Variants in PIK3C2G observed in about 807,000 individuals in gnomAD.
PIK3C2G encodes phosphatidylinositol 3-kinase C2 domain-containing subunit gamma.
PIK3C2G carries 168 observed loss-of-function variants against 181.1 expected under a neutral mutation model. The observed-to-expected ratio is 0.93, with a 90% CI of 0.82 to 1.05. The LOEUF (loss-of-function observed/expected upper bound fraction) is 1.05. PIK3C2G is among the 50% of genes least tolerant of loss of function. The probability of loss-of-function intolerance (pLI) is 0.00; values close to 1 mark genes in which losing one functional copy is unlikely to be tolerated. For synonymous variants in PIK3C2G, 573 were observed against 592.2 expected, an observed-to-expected ratio of 0.97 and a Z score of 0.47; for missense variants, 1,869 against 1,732.8, an observed-to-expected ratio of 1.08 and a Z score of -1.40.
intron 15 of PIK3C2G, among the ~76,000 whole-genome samples, chr12:18,398,968 G>T (rs1944056633): frequency 3.3e-5 from 5 of 151,914 alleles, no homozygotes; most frequent in Admixed American, 3.3e-4. Context: ...GGCCGAGGCG[G>T]GCGGATCACG....
chr12:18,676,035 GA>G, the PIK3C2G span, among the ~76,000 whole-genome samples: 5 of 151,754 alleles, frequency 3.3e-5, no homozygotes, highest in Admixed American at 6.6e-5. Flanking sequence ...TGAAAGAAAG[GA>G]AAAAAAATTA....
intron 14 of PIK3C2G, among the ~76,000 whole-genome samples, chr12:18,382,665 A>G (rs956006156): frequency 1.3e-5 from 2 of 152,184 alleles, no homozygotes; most frequent in Admixed American, 1.3e-4. Context: ...CAGGATGTTT[A>G]GCAACATCCC....
In PIK3C2G at chr12:18,640,440, T is replaced by C; in HGVS notation, c.4194T>C (p.Asp1398=). The change falls in exon 32 of 33, where the codon GAT becomes GAC. Residue 1398 remains aspartate (D), a synonymous_variant. Coordinates refer to ENST00000538779, the MANE Select transcript of PIK3C2G (RefSeq NM_001288772.2). ...ATTTTCCTTTGCAGCATCTCCCAGA[T>C]GGCTCTGCGCCCAGTGCACATGTTG... ...VKHMKNIHLP[D]GSAPSAHVEF... 6.2e-7 allele frequency: 1 copy of C among 1,610,048 alleles called. No individual in the cohort carries two copies.
At chr12:18,697,818 C>T in the PIK3C2G span, among the ~76,000 whole-genome samples, 1 of 151,762 alleles carries the variant, frequency 6.6e-6, no homozygotes, top group South Asian at 2.1e-4. Flanking sequence ...TAATGATTTT[C>T]ATTATGTTTA....
intron 5 of PIK3C2G, among the ~76,000 whole-genome samples, chr12:18,295,386 T>G (rs955649286): frequency 1.3e-5 from 2 of 151,972 alleles, no homozygotes; most frequent in African/African-American, 4.8e-5. Flanking sequence ...ACATCTAGAC[T>G]TTTCTTGATG....
chr12:18,407,608 G>A (rs980599178), intron 16 of PIK3C2G, among the ~76,000 whole-genome samples: 2 of 152,090 alleles, frequency 1.3e-5, no homozygotes, highest in African/African-American at 4.8e-5. Context: ...ACCAAATTAT[G>A]AGTGTAAAAC....
chr12:18,325,956 G>C (rs1008920204), intron 8 of PIK3C2G, among the ~76,000 whole-genome samples: 1 of 152,158 alleles, frequency 6.6e-6, no homozygotes, highest in South Asian at 2.1e-4. Flanking sequence ...TAGAATGACT[G>C]ATGGATGATT....
the PIK3C2G span, among the ~76,000 whole-genome samples, chr12:18,659,430 T>A: frequency 6.6e-6 from 1 of 152,164 alleles, no homozygotes; most frequent in Admixed American, 6.6e-5. Flanking sequence ...CTATCATCCC[T>A]GCATACTTAG....
At chr12:18,658,580 A>C in the PIK3C2G span, among the ~76,000 whole-genome samples, 22 of 152,290 alleles carry the variant, frequency 1.4e-4, no homozygotes, top group African/African-American at 4.8e-4. Context: ...ATTTGATAAA[A>C]ACTATTTTTG....
chr12:18,390,674 C>T (rs1390016127), intron 14 of PIK3C2G, among the ~76,000 whole-genome samples: 33 of 152,028 alleles, frequency 2.2e-4, no homozygotes, highest in Admixed American at 6.5e-5. Flanking sequence ...ATTTCATGAA[C>T]TAGAGATCAA....
At chr12:18,391,804 T>C (rs149471928) in intron 15 of PIK3C2G, among the ~76,000 whole-genome samples, 1 of 152,262 alleles carries the variant, frequency 6.6e-6, no homozygotes, top group African/African-American at 2.4e-5. Flanking sequence ...CAGCTGATCA[T>C]GCTCATTAAT....
chr12:18,636,108 T>C (rs1315302056), intron 31 of PIK3C2G, among the ~76,000 whole-genome samples: 2 of 152,218 alleles, frequency 1.3e-5, no homozygotes, highest in South Asian at 4.1e-4. Flanking sequence ...TGTTACCATA[T>C]GAACTAAATT....
At chr12:18,580,518 T>G (rs1946442392) in intron 29 of PIK3C2G, among the ~76,000 whole-genome samples, 1 of 152,216 alleles carries the variant, frequency 6.6e-6, no homozygotes, top group Non-Finnish European at 1.5e-5. Flanking sequence ...TCTTTTCTTA[T>G]TTGGAGCTAG....
At chr12:18,551,048 A>G (rs1425646725) in intron 26 of PIK3C2G, among the ~76,000 whole-genome samples, 1 of 152,080 alleles carries the variant, frequency 6.6e-6, no homozygotes, top group Non-Finnish European at 1.5e-5. Context: ...GATGCTGCAT[A>G]CTGTGTGGAA....
chr12:18,521,254 C>T (rs984020358), intron 24 of PIK3C2G, among the ~76,000 whole-genome samples: 8 of 152,218 alleles, frequency 5.3e-5, no homozygotes, highest in Non-Finnish European at 8.8e-5. Flanking sequence ...ACTCGTTTAA[C>T]GAAGCACTTT....
chr12:18,689,852 G>A, the PIK3C2G span, among the ~76,000 whole-genome samples: 1 of 152,088 alleles, frequency 6.6e-6, no homozygotes, highest in Admixed American at 6.5e-5. Flanking sequence ...TTGGCTCTCT[G>A]ATTCCCAAAT....
chr12:18,428,364 G>A (rs2135743676), intron 18 of PIK3C2G, among the ~76,000 whole-genome samples: 1 of 149,574 alleles, frequency 6.7e-6, no homozygotes, highest in East Asian at 2.0e-4. Flanking sequence ...AAACCCATCA[G>A]TCATGAGTTT....
chr12:18,368,270 T>G (rs1468833016), intron 12 of PIK3C2G, among the ~76,000 whole-genome samples: 3 of 152,198 alleles, frequency 2.0e-5, no homozygotes. Flanking sequence ...TAATAATAAT[T>G]GAATAAATGA....
chr12:18,546,440 C>G lies in PIK3C2G; in HGVS notation c.3590+8C>G. ...AACAAGTCATTTTACCAAGTAAGAT[C>G]ACCTATGAATGTGTGAGCATGCATG... On this transcript the variant is annotated splice_region_variant and intron_variant, in intron 26 of 32. Coordinates refer to ENST00000538779, the MANE Select transcript of PIK3C2G (RefSeq NM_001288772.2). The G allele has an allele frequency of 6.9e-7, 1 of 1,456,386 alleles. No homozygotes were observed. Among genetic ancestry groups the G allele is most frequent in the Non-Finnish European group, 9.6e-7 (1 of 1,046,626 alleles). 90.2% of individuals were successfully genotyped at this position (1,456,386 alleles called of 1,614,324 possible). A position where few individuals can be genotyped will look rare whatever the true frequency, so the allele number is the denominator to read the frequency against.
Sources: allele counts gnomAD v4.1 joint callset (sites outside exome capture counted in the v4.1 genomes callset), GRCh38; gene constraint gnomAD v4.1.1; transcripts MANE v1.5; gene names NCBI Gene and HGNC (gene_info 2026-07-23, HGNC 2026-07-21).